The following APBB2 variants were observed in gnomAD, a reference collection of about 807,000 sequenced individuals.
APBB2 encodes the protein Fe65-like 1.
A neutral mutation model predicts 82.5 loss-of-function variants in APBB2; 38 were observed. The observed-to-expected ratio is 0.46, with a 90% confidence interval of 0.36 to 0.60. The LOEUF is 0.60. Ranked by LOEUF, APBB2 falls within the 20% of genes least tolerant of loss-of-function variation. The pLI is 0.00. For synonymous variants in APBB2, 341 were observed against 368.2 expected (o/e 0.93, Z 0.85); for missense variants, 772 against 972.3 (o/e 0.79, Z 2.74).
chr4:40,971,485 G>A (rs963083075), intron 6 of APBB2, among the ~76,000 whole-genome samples: 1 of 152,162 alleles, frequency 6.6e-6, no homozygotes, highest in African/African-American at 2.4e-5. Context: ...AGAAGCAGGA[G>A]GAGCTTTCTC....
rs565714796 is a variant in APBB2, at chr4:41,186,219, T to C, written c.-417+28186A>G. Among the ~76,000 whole-genome samples, 4 of 152,264 alleles carry C rather than the reference T, an allele frequency of 2.6e-5. No homozygotes were observed. The East Asian group carries it at 5.8e-4, about 22-fold the overall frequency. On this transcript the variant is annotated intron_variant, in intron 1 of 17. Coordinates refer to ENST00000508593, the MANE Select transcript of APBB2 (RefSeq NM_004307.2). ...ATAAGATAACATTAATTAAAATACA[T>C]AAAACCATCCAGGAGTAGCAAGTAG...
At chr4:40,981,682 T>A (rs1798511552) in intron 6 of APBB2, among the ~76,000 whole-genome samples, 2 of 152,206 alleles carry the variant, frequency 1.3e-5, no homozygotes. Flanking sequence ...ATGTACCTCA[T>A]GTGGTCTGCC....
intron 1 of APBB2, among the ~76,000 whole-genome samples, chr4:41,164,203 T>C (rs76033021): frequency 0.041 from 6,285 of 152,328 alleles, 144 homozygotes; most frequent in Middle Eastern, 0.058. Flanking sequence ...AACAAAGTTT[T>C]GACTTTGGTT....
intron 12 of APBB2, chr4:40,856,863 C>G (rs1380603380): frequency 3.6e-6 from 3 of 842,924 alleles, no homozygotes; most frequent in Non-Finnish European, 4.3e-6. Context: ...CAGGACCAGG[C>G]AACTCGCTAA....
intron 1 of APBB2, among the ~76,000 whole-genome samples, chr4:41,194,931 G>A: frequency 7.2e-5 from 11 of 152,000 alleles, no homozygotes; most frequent in East Asian, 1.9e-4. Flanking sequence ...TTAAGAAGAC[G>A]TGTGATTTAT....
intron 12 of APBB2, among the ~76,000 whole-genome samples, chr4:40,884,720 C>A (rs112460174): frequency 0.19 from 29,265 of 152,048 alleles, 3,163 homozygotes; most frequent in Admixed American, 0.25. Context: ...GTGATGATCA[C>A]GCCACTGTAC....
At chr4:41,184,397 C>T (rs1229791712) in intron 1 of APBB2, among the ~76,000 whole-genome samples, 1 of 152,176 alleles carries the variant, frequency 6.6e-6, no homozygotes, top group Non-Finnish European at 1.5e-5. Context: ...ACCCTACATG[C>T]TCATACCCTA....
intron 4 of APBB2, among the ~76,000 whole-genome samples, chr4:41,039,835 CAAA>C (rs11441799): frequency 4.3e-5 from 6 of 139,038 alleles, no homozygotes; most frequent in Non-Finnish European, 3.1e-5. Flanking sequence ...GACCTTGTCT[CAAA>C]AAAAAAAAAA....
intron 3 of APBB2, among the ~76,000 whole-genome samples, chr4:41,078,456 T>C (rs1450559830): frequency 1.3e-5 from 2 of 152,216 alleles, no homozygotes; most frequent in Non-Finnish European, 2.9e-5. Flanking sequence ...AAATTGATAA[T>C]GTGAAATTTC....
intron 5 of APBB2, among the ~76,000 whole-genome samples, chr4:41,019,448 C>T (rs1810875775): frequency 6.6e-6 from 1 of 151,980 alleles, no homozygotes; most frequent in Non-Finnish European, 1.5e-5. Flanking sequence ...TGACACAAAA[C>T]CGAGCAAAAG....
At chr4:41,171,811 A>T (rs1190618989) in intron 1 of APBB2, among the ~76,000 whole-genome samples, 2 of 151,962 alleles carry the variant, frequency 1.3e-5, no homozygotes, top group Non-Finnish European at 2.9e-5. Context: ...GTACAAAAAA[A>T]TTAGCTGGGC....
intron 4 of APBB2, among the ~76,000 whole-genome samples, chr4:41,057,161 A>G (rs1181400886): frequency 1.3e-5 from 2 of 152,302 alleles, no homozygotes; most frequent in Admixed American, 6.5e-5. Flanking sequence ...TCATCTATAA[A>G]ATATTCAGGC....
chr4:41,161,471 TGGCA>T (rs1421535299), intron 1 of APBB2, among the ~76,000 whole-genome samples: 2 of 152,126 alleles, frequency 1.3e-5, no homozygotes, highest in Non-Finnish European at 2.9e-5. Flanking sequence ...CTGGGTGTAG[TGGCA>T]GGCACCTGCA....
chr4:41,141,348 CTG>C (rs1292888748), intron 2 of APBB2, among the ~76,000 whole-genome samples: 1 of 84,330 alleles, frequency 1.2e-5, no homozygotes, highest in African/African-American at 5.0e-5. Flanking sequence ...GTGTGTGTGT[CTG>C]TGTGTCTGTG....
chr4:41,195,234 T>C lies in APBB2; in HGVS notation c.-417+19171A>G. Among the ~76,000 whole-genome samples, 5 of 152,296 alleles carry C rather than the reference T, an allele frequency of 3.3e-5. No individual in the cohort carries two copies. In the East Asian group the frequency reaches 7.7e-4, roughly 23 times the overall value. On this transcript the variant is annotated intron_variant, in intron 1 of 17. Coordinates refer to ENST00000508593, the MANE Select transcript of APBB2 (RefSeq NM_004307.2). ...GTCCATATCACCACTAGGATGCTGA[T>C]GAAACACCTCAAATGATGGTATCCA...
At position 41,175,018 on chromosome 4, in the gene APBB2, T is replaced by G. The variant is rs557275214; in HGVS notation, c.-416-31876A>C. On this transcript the variant is annotated intron_variant, in intron 1 of 17. Coordinates refer to ENST00000508593, the MANE Select transcript of APBB2 (RefSeq NM_004307.2). ...ATTCATTATCATCCACATCCCTCTATAAGATCAGTTCCTCTACCATGAGTA... is the reference window on the plus strand; with the variant it reads ...ATTCATTATCATCCACATCCCTCTAGAAGATCAGTTCCTCTACCATGAGTA... 2.0e-5 allele frequency among the ~76,000 whole-genome samples: 3 copies of G among 152,246 alleles called. No individual in the cohort carries two copies. In the South Asian group the frequency reaches 6.2e-4, roughly 32 times the overall value.
intron 1 of APBB2, among the ~76,000 whole-genome samples, chr4:41,192,546 A>G (rs1774756136): frequency 6.6e-6 from 1 of 152,224 alleles, no homozygotes; most frequent in Non-Finnish European, 1.5e-5. Flanking sequence ...ACGGAAAGAA[A>G]AACACCACAT....
At chr4:40,885,315 T>C (rs1231920493) in intron 12 of APBB2, among the ~76,000 whole-genome samples, 3 of 152,184 alleles carry the variant, frequency 2.0e-5, no homozygotes, top group Non-Finnish European at 4.4e-5. Context: ...AGTTTTCTTA[T>C]TGGGAAATGA....
At chr4:41,113,060 G>C (rs965899456) in intron 2 of APBB2, among the ~76,000 whole-genome samples, 1 of 152,026 alleles carries the variant, frequency 6.6e-6, no homozygotes. Context: ...AGAAAACAAC[G>C]AGCCACTGTA....
Sources: gnomAD v4.1 joint callset for allele counts (sites outside exome capture counted in the v4.1 genomes callset) on GRCh38, gnomAD v4.1.1 for gene constraint, MANE v1.5 for transcripts, NCBI Gene and HGNC (gene_info 2026-07-23, HGNC 2026-07-21) for gene names.